The following ADAM23 variants were observed in gnomAD, a reference collection of about 807,000 sequenced individuals.
ADAM23 encodes the protein disintegrin and metalloproteinase domain-containing protein 23.
In ADAM23, 33 loss-of-function variants were observed where a neutral mutation model predicts 120.1. That is an observed-to-expected ratio of 0.27 (90% CI 0.21 to 0.37). ADAM23 has a LOEUF of 0.37. Among genes scored for constraint, ADAM23 ranks in the 10% least tolerant of loss-of-function variants. ADAM23 has a pLI of 1.00. For synonymous variants in ADAM23, 367 were observed against 375.2 expected (o/e 0.98, Z 0.25); for missense variants, 862 against 1,058.2 (o/e 0.81, Z 2.57).
rs74963712 is a variant in ADAM23 at position 206,558,382 on chromosome 2, A to T, written c.1005+884A>T. Among the ~76,000 whole-genome samples the T allele has an allele frequency of 8.5e-3, 1,293 of 152,312 alleles. 14 individuals carry two copies. Among genetic ancestry groups the T allele is most frequent in the African/African-American group, 0.03 (1,239 of 41,554 alleles). Reference sequence around the variant, plus strand: ...TTATAAGTTGCCAAATATCTAAATGATACTTATTTACTCCAAAGAGCTGCC... The same window carrying T: ...TTATAAGTTGCCAAATATCTAAATGTTACTTATTTACTCCAAAGAGCTGCC... On this transcript the variant is annotated intron_variant, in intron 10 of 25. Transcript: ENST00000264377.
At chr2:206,595,662 T>C (rs1343772731) in intron 23 of ADAM23, among the ~76,000 whole-genome samples, 1 of 152,214 alleles carries the variant, frequency 6.6e-6, no homozygotes, top group African/African-American at 2.4e-5. Flanking sequence ...GTATATGTTT[T>C]TAAAGTGGGT....
intron 9 of ADAM23, among the ~76,000 whole-genome samples, chr2:206,553,100 G>A (rs189102262): frequency 7.2e-5 from 11 of 152,238 alleles, no homozygotes; most frequent in East Asian, 3.9e-4. Flanking sequence ...AAAAAAGGCC[G>A]CGTGTGGTGG....
chr2:206,505,420 C>T (rs1426860783), intron 3 of ADAM23, among the ~76,000 whole-genome samples: 1 of 152,118 alleles, frequency 6.6e-6, no homozygotes, highest in Non-Finnish European at 1.5e-5. Flanking sequence ...ATTCCTGAAA[C>T]TGGGTAAGGG....
At chr2:206,614,452 C>T (rs1001438982) in intron 25 of ADAM23, among the ~76,000 whole-genome samples, 11 of 151,802 alleles carry the variant, frequency 7.2e-5, no homozygotes, top group African/African-American at 2.2e-4. Flanking sequence ...GACAGGAGTT[C>T]GAGACCAGAC....
At chr2:206,491,528 G>A (rs1434616527) in intron 3 of ADAM23, among the ~76,000 whole-genome samples, 1 of 152,138 alleles carries the variant, frequency 6.6e-6, no homozygotes, top group African/African-American at 2.4e-5. Context: ...CAGAATGTGG[G>A]CAAATAAAAT....
chr2:206,582,125 G>A (rs947779972), intron 18 of ADAM23, among the ~76,000 whole-genome samples: 5 of 152,146 alleles, frequency 3.3e-5, no homozygotes, highest in South Asian at 4.1e-4. Context: ...TGATCCGCCC[G>A]CCTTGGCCTC....
chr2:206,496,651 C>T (rs1483715521), intron 3 of ADAM23, among the ~76,000 whole-genome samples: 1 of 152,134 alleles, frequency 6.6e-6, no homozygotes, highest in Admixed American at 6.5e-5. Flanking sequence ...TAACTAAGAT[C>T]AGAGCACAAC....
At chr2:206,515,829 G>GTT (rs11389305) in intron 3 of ADAM23, among the ~76,000 whole-genome samples, 3 of 151,644 alleles carry the variant, frequency 2.0e-5, no homozygotes, top group African/African-American at 7.3e-5. Context: ...GTTCTTTAGA[G>GTT]TTTTTTTTCC....
At chr2:206,498,371 G>T (rs1696305309) in intron 3 of ADAM23, among the ~76,000 whole-genome samples, 1 of 152,084 alleles carries the variant, frequency 6.6e-6, no homozygotes, top group Non-Finnish European at 1.5e-5. Flanking sequence ...TCTGATCTTT[G>T]ACAAACCTGA....
chr2:206,568,261 G>A (rs1433579006), intron 15 of ADAM23, among the ~76,000 whole-genome samples: 1 of 151,890 alleles, frequency 6.6e-6, no homozygotes, highest in Non-Finnish European at 1.5e-5. Flanking sequence ...ACCTGGAGAG[G>A]GCCACATTGT....
chr2:206,573,503 T>C (rs1293868041), intron 18 of ADAM23, among the ~76,000 whole-genome samples: 1 of 152,180 alleles, frequency 6.6e-6, no homozygotes, highest in Admixed American at 6.5e-5. Context: ...TATCACTATC[T>C]CAGCCACCCA....
chr2:206,543,555 C>A (rs955417537), intron 6 of ADAM23, among the ~76,000 whole-genome samples: 1 of 152,076 alleles, frequency 6.6e-6, no homozygotes, highest in Non-Finnish European at 1.5e-5. Context: ...TAGTCCTTCC[C>A]AGTCTATGAA....
At chr2:206,524,869 C>T (rs1696912745) in intron 3 of ADAM23, among the ~76,000 whole-genome samples, 1 of 152,162 alleles carries the variant, frequency 6.6e-6, no homozygotes, top group Admixed American at 6.5e-5. Flanking sequence ...AGTATGATGA[C>T]AGAACCCAAA....
At chr2:206,455,958 C>T (rs528380512) in intron 2 of ADAM23, among the ~76,000 whole-genome samples, 1 of 152,288 alleles carries the variant, frequency 6.6e-6, no homozygotes, top group African/African-American at 2.4e-5. Flanking sequence ...TCTGAGCCCT[C>T]CAAACTGTTC....
In ADAM23 at chr2:206,592,597, T is replaced by C; in HGVS notation, c.1959-20T>C. ...TGATTCCTCCTGTCTGGTCTGTTTG[T>C]TTTCTTTACACATGTTCAGTGATGT... On this transcript the variant is annotated intron_variant, in intron 21 of 25. Coordinates refer to ENST00000264377, the MANE Select transcript of ADAM23 (RefSeq NM_003812.4). The C allele has an allele frequency of 6.2e-7, 1 of 1,611,624 alleles. No individual in the cohort carries two copies. Among genetic ancestry groups the C allele is most frequent in the African/African-American group, 1.3e-5 (1 of 74,998 alleles).
chr2:206,463,611 T>G (rs1695474336), intron 2 of ADAM23, among the ~76,000 whole-genome samples: 1 of 152,204 alleles, frequency 6.6e-6, no homozygotes, highest in Non-Finnish European at 1.5e-5. Context: ...TGCTGCTATG[T>G]CCCAATGTGG....
intron 13 of ADAM23, among the ~76,000 whole-genome samples, chr2:206,562,786 G>T (rs1697793957): frequency 6.6e-6 from 1 of 152,208 alleles, no homozygotes; most frequent in African/African-American, 2.4e-5. Flanking sequence ...CTGCCCCAGG[G>T]CCTTTTAAGC....
intron 9 of ADAM23, among the ~76,000 whole-genome samples, chr2:206,556,925 G>T (rs1451729664): frequency 6.6e-6 from 1 of 151,946 alleles, no homozygotes; most frequent in Non-Finnish European, 1.5e-5. Flanking sequence ...GAGACAAGTG[G>T]GTTAAGCCGT....
At chr2:206,602,221 T>A (rs563731621) in intron 24 of ADAM23, among the ~76,000 whole-genome samples, 121 of 152,306 alleles carry the variant, frequency 7.9e-4, no homozygotes, top group African/African-American at 2.7e-3. Context: ...AGTTTAAAAA[T>A]TTTTTAATAA....
Sources: allele counts gnomAD v4.1 joint callset (sites outside exome capture counted in the v4.1 genomes callset), GRCh38; gene constraint gnomAD v4.1.1; transcripts MANE v1.5; gene names NCBI Gene and HGNC (gene_info 2026-07-23, HGNC 2026-07-21).